The following SLIT3 variants were observed in gnomAD, a reference collection of about 807,000 sequenced individuals.
SLIT3 encodes the protein slit homolog 3 protein.
In SLIT3, 68 loss-of-function variants were observed where a neutral mutation model predicts 184.0. The observed-to-expected ratio is 0.37, with a 90% CI of 0.30 to 0.45. SLIT3 has a LOEUF of 0.45. Among genes scored for constraint, SLIT3 ranks in the 20% least tolerant of loss-of-function variants. The pLI is 1.00. For synonymous variants in SLIT3, 831 were observed against 828.6 expected (o/e 1.00, Z -0.05); for missense variants, 1,707 against 2,026.0 (o/e 0.84, Z 3.02).
chr5:169,022,672 C>T (rs142183096), intron 4 of SLIT3: 9 of 152,226 alleles, frequency 5.9e-5, no homozygotes, highest in African/African-American at 2.2e-4. Context: ...AAGCATCTTA[C>T]TAAATGTGAT....
chr5:169,202,790 C>G (rs1043492912), intron 3 of SLIT3, among the ~76,000 whole-genome samples: 2 of 151,944 alleles, frequency 1.3e-5, no homozygotes, highest in Non-Finnish European at 2.9e-5. Context: ...ACAAAGCCCC[C>G]CCACCCCACC....
intron 4 of SLIT3, among the ~76,000 whole-genome samples, chr5:168,962,269 T>A (rs1345739618): frequency 6.6e-6 from 1 of 150,620 alleles, no homozygotes; most frequent in African/African-American, 2.5e-5. Context: ...GATCAGACAG[T>A]GAAATTCTGC....
In SLIT3 at chr5:168,762,560, A is replaced by C; in HGVS notation, c.1589T>G (p.Leu530Arg). Residue 530 changes from leucine (L) to arginine (R), a missense_variant, in exon 15 of 36, where the codon CTC becomes CGC. Leu to Arg is a moderately radical substitution (Grantham distance 102). Transcript: ENST00000519560. ...TTACAGGTCGGTGACATATTCAGGGAGGTGGCTTGGGATGCGGACCAGCTT... is the reference window on the plus strand; with the variant it reads ...TTACAGGTCGGTGACATATTCAGGGCGGTGGCTTGGGATGCGGACCAGCTT... ...NQKLVRIPSH[L>R]PEYVTDLRLN... 1 of 1,613,782 alleles carries C rather than the reference A, an allele frequency of 6.2e-7. No homozygotes were observed. The highest frequency in any genetic ancestry group is 2.2e-5 in the East Asian group (1 of 44,848).
chr5:168,711,216 A>G (rs1293947494), intron 24 of SLIT3, among the ~76,000 whole-genome samples, 158 bp from the exon 25 acceptor site: 2 of 152,130 alleles, frequency 1.3e-5, no homozygotes, highest in Non-Finnish European at 2.9e-5. Context: ...CAAAGTTAAT[A>G]TCTCCAGAGT....
At position 168,728,277 on chromosome 5, in the gene SLIT3, CATATAT is replaced by C. The variant is rs3061738; in HGVS notation, c.2271-3799_2271-3794del. Among the ~76,000 whole-genome samples the C allele has an allele frequency of 8.2e-4, 116 of 141,000 alleles. 1 individual carries two copies. The East Asian group carries it at 0.021, about 25-fold the overall frequency. 92.5% of individuals were successfully genotyped at this position (141,000 alleles called of 152,430 possible). A position where few individuals can be genotyped will look rare whatever the true frequency, so the allele number is the denominator to read the frequency against. ...AAACCCAAAGTATCTTAATCAACAA[CATATAT>C]ATATATATATATATATATCCTCAGA... On this transcript the variant is annotated intron_variant, in intron 20 of 35. Transcript: ENST00000519560.
intron 4 of SLIT3, among the ~76,000 whole-genome samples, chr5:169,083,249 T>C (rs1204632700): frequency 1.3e-5 from 2 of 152,204 alleles, no homozygotes; most frequent in Admixed American, 1.3e-4. Context: ...TGGATACATG[T>C]GCGAATATAC....
chr5:169,194,474 C>T (rs1763678694), intron 3 of SLIT3, among the ~76,000 whole-genome samples: 1 of 151,920 alleles, frequency 6.6e-6, no homozygotes, highest in South Asian at 2.1e-4. Flanking sequence ...GCAATTTTGC[C>T]TTTGTGGGCT....
At chr5:168,979,018 G>C (rs1754861642) in intron 4 of SLIT3, among the ~76,000 whole-genome samples, 1 of 152,158 alleles carries the variant, frequency 6.6e-6, no homozygotes, top group African/African-American at 2.4e-5. Context: ...AGCCTGACTG[G>C]AGGTAGGATG....
intron 23 of SLIT3, among the ~76,000 whole-genome samples, chr5:168,721,551 G>A (rs913231532): frequency 3.3e-4 from 50 of 152,314 alleles, no homozygotes; most frequent in African/African-American, 1.2e-3. Flanking sequence ...GGCTGTGGAG[G>A]CTGCAGCCTG....
intron 6 of SLIT3, among the ~76,000 whole-genome samples, chr5:168,838,553 G>GGAAGCTC (rs1441899818): frequency 6.6e-6 from 1 of 152,140 alleles, no homozygotes; most frequent in Non-Finnish European, 1.5e-5. Context: ...TGCATCCAGA[G>GGAAGCTC]GAAGCTCAGC....
chr5:168,753,233 G>C (rs1309869148), intron 17 of SLIT3, 135 bp from the exon 18 acceptor site: 1 of 892,538 alleles, frequency 1.1e-6, no homozygotes, highest in Non-Finnish European at 1.7e-6. Context: ...ATGTTGATCA[G>C]GTTTGTCCTG....
intron 4 of SLIT3, among the ~76,000 whole-genome samples, chr5:169,088,487 A>G (rs1759411721): frequency 6.6e-6 from 1 of 151,888 alleles, no homozygotes; most frequent in African/African-American, 2.4e-5. Flanking sequence ...AAAGAGAATC[A>G]CAGCATAAAA....
Position 168,994,623 on chromosome 5 carries a change from C to CTTTTTTTTTTTT in SLIT3, c.414-111299_414-111288dup, listed in dbSNP as rs66498923. On this transcript the variant is annotated intron_variant, in intron 4 of 35. Transcript: ENST00000519560. ...ACATGTACCAGTGTCTGGCATTCTA[C>CTTTTTTTTTTTT]TTTTTTTTTTTTTTTTTTTTTTTTT... 4.0e-4 allele frequency among the ~76,000 whole-genome samples: 19 copies of CTTTTTTTTTTTT among 47,100 alleles called. 7 individuals are homozygous for CTTTTTTTTTTTT. The highest frequency in any genetic ancestry group is 1.5e-3 in the East Asian group (2 of 1,300). 30.9% of individuals were successfully genotyped at this position (47,100 alleles called of 152,430 possible).
intron 20 of SLIT3, 34 bp downstream of exon 20, chr5:168,748,268 G>A: frequency 6.9e-7 from 1 of 1,444,192 alleles, no homozygotes; most frequent in Non-Finnish European, 9.1e-7. Flanking sequence ...GTGGTGAGAT[G>A]ACAGGGTGCT....
At chr5:169,190,491 A>G (rs528932647) in intron 4 of SLIT3, among the ~76,000 whole-genome samples, 1 of 152,326 alleles carries the variant, frequency 6.6e-6, no homozygotes, top group African/African-American at 2.4e-5. Context: ...AACTTCTGTC[A>G]CTTGCTAGTG....
At chr5:168,755,446 T>TCTCTTTCTCTCTTTCTCTC (rs1754904459) in intron 16 of SLIT3, among the ~76,000 whole-genome samples, 1 of 115,572 alleles carries the variant, frequency 8.7e-6, no homozygotes, top group Non-Finnish European at 2.0e-5. Flanking sequence ...TCTTTCTTTC[T>TCTCTTTCTCTCTTTCTCTC]TTTTGAGACA....
chr5:168,957,665 C>G (rs1333259021), intron 4 of SLIT3, among the ~76,000 whole-genome samples: 2 of 152,220 alleles, frequency 1.3e-5, no homozygotes, highest in Non-Finnish European at 2.9e-5. Context: ...TCAAAGCAGA[C>G]AGCTTCCAGG....
intron 4 of SLIT3, among the ~76,000 whole-genome samples, chr5:168,923,246 G>A (rs1404254131): frequency 2.0e-5 from 3 of 152,122 alleles, no homozygotes; most frequent in African/African-American, 7.2e-5. Flanking sequence ...CTAAGCCCCA[G>A]AACATCCTAC....
intron 3 of SLIT3, among the ~76,000 whole-genome samples, chr5:169,195,373 G>C (rs986804770): frequency 2.0e-5 from 3 of 152,228 alleles, no homozygotes; most frequent in Non-Finnish European, 4.4e-5. Flanking sequence ...CCACTGTCAA[G>C]AGGGTGCTAC....
Sources: gnomAD v4.1 joint callset for allele counts (sites outside exome capture counted in the v4.1 genomes callset) on GRCh38, gnomAD v4.1.1 for gene constraint, MANE v1.5 for transcripts, NCBI Gene and HGNC (gene_info 2026-07-23, HGNC 2026-07-21) for gene names.